The following UNC5D variants were observed in gnomAD, a reference collection of about 807,000 sequenced individuals.
UNC5D encodes the protein unc-5 netrin receptor D.
UNC5D carries 39 observed loss-of-function variants against 105.4 expected under a neutral mutation model. The observed-to-expected ratio is 0.37, with a 90% CI of 0.29 to 0.48. The LOEUF (loss-of-function observed/expected upper bound fraction) is 0.48, where lower values mean the gene tolerates loss of function less well. Ranked by LOEUF, UNC5D falls within the 20% of genes least tolerant of loss-of-function variation. UNC5D has a pLI of 0.98. For missense variants in UNC5D, 991 were observed against 1,202.4 expected (o/e 0.82, Z 2.60); for synonymous variants, 452 against 450.4 (o/e 1.00, Z -0.04).
chr8:35,299,846 G>C (rs771288465), intron 1 of UNC5D, among the ~76,000 whole-genome samples: 1 of 152,178 alleles, frequency 6.6e-6, no homozygotes, highest in Admixed American at 6.5e-5. Flanking sequence ...CTGTAAAATA[G>C]AGTGAGGAAA....
At chr8:35,470,110 C>T (rs996653976) in intron 1 of UNC5D, among the ~76,000 whole-genome samples, 3 of 152,070 alleles carry the variant, frequency 2.0e-5, no homozygotes, top group African/African-American at 7.2e-5. Flanking sequence ...AACATTCAGC[C>T]AGGAGCTAAG....
chr8:35,652,832 C>T (rs895908507), intron 4 of UNC5D, among the ~76,000 whole-genome samples: 4 of 150,756 alleles, frequency 2.7e-5, no homozygotes, highest in Non-Finnish European at 5.9e-5. Context: ...CTTGATCTCA[C>T]ATGACTCTGA....
chr8:35,759,297 A>G (rs749873160), intron 13 of UNC5D, 23 bp from the exon 14 acceptor site: 2 of 1,609,686 alleles, frequency 1.2e-6, no homozygotes, highest in Non-Finnish European at 1.7e-6. Context: ...TATTGATCTT[A>G]TTTTCTTTTT....
chr8:35,267,428 T>C (rs1804959851), intron 1 of UNC5D, among the ~76,000 whole-genome samples: 1 of 152,108 alleles, frequency 6.6e-6, no homozygotes, highest in African/African-American at 2.4e-5. Context: ...GAAGTGACCA[T>C]GAATATTTGT....
intron 1 of UNC5D, among the ~76,000 whole-genome samples, chr8:35,418,869 T>A (rs373826803): frequency 1.3e-5 from 2 of 152,206 alleles, no homozygotes; most frequent in Non-Finnish European, 2.9e-5. Context: ...GTAAACTGTT[T>A]TCAAGGTTGG....
chr8:35,526,433 G>A (rs1813884666), intron 1 of UNC5D, among the ~76,000 whole-genome samples: 1 of 152,104 alleles, frequency 6.6e-6, no homozygotes, highest in Non-Finnish European at 1.5e-5. Flanking sequence ...TGAAAGCCAG[G>A]CAGATTCCTA....
chr8:35,254,778 T>G (rs901129801), intron 1 of UNC5D: 4 of 152,232 alleles, frequency 2.6e-5, no homozygotes, highest in African/African-American at 9.6e-5. Flanking sequence ...TTCTTTTTTA[T>G]GGTATCTCTC....
chr8:35,603,532 G>A (rs1431808216), intron 4 of UNC5D, among the ~76,000 whole-genome samples: 4 of 152,114 alleles, frequency 2.6e-5, no homozygotes, highest in Non-Finnish European at 4.4e-5. Context: ...GATTTGGGGT[G>A]GAGAGTTCTG....
intron 1 of UNC5D, among the ~76,000 whole-genome samples, chr8:35,356,875 G>C (rs1801586912): frequency 6.6e-6 from 1 of 152,110 alleles, no homozygotes; most frequent in Non-Finnish European, 1.5e-5. Context: ...AGATCCACTG[G>C]ACAAAGAGAT....
At chr8:35,498,553 A>G (rs1312533543) in intron 1 of UNC5D, among the ~76,000 whole-genome samples, 1 of 152,146 alleles carries the variant, frequency 6.6e-6, no homozygotes, top group Non-Finnish European at 1.5e-5. Context: ...TACTTGGAGG[A>G]ACAGGAAACT....
At chr8:35,488,292 A>G (rs1187604950) in intron 1 of UNC5D, among the ~76,000 whole-genome samples, 1 of 152,222 alleles carries the variant, frequency 6.6e-6, no homozygotes, top group African/African-American at 2.4e-5. Flanking sequence ...GAGATGGGAC[A>G]AAATGAAGGA....
intron 2 of UNC5D, among the ~76,000 whole-genome samples, chr8:35,567,046 T>A (rs1817392824): frequency 6.6e-6 from 1 of 152,110 alleles, no homozygotes; most frequent in African/African-American, 2.4e-5. Context: ...AGACAATTTG[T>A]TTAATTTTAG....
intron 1 of UNC5D, among the ~76,000 whole-genome samples, chr8:35,262,061 A>G (rs1370905107): frequency 6.6e-6 from 1 of 152,202 alleles, no homozygotes; most frequent in African/African-American, 2.4e-5. Context: ...TAAGAGGATG[A>G]TTCTGGGCAC....
rs1350028476 is a variant in UNC5D, at chr8:35,759,201, A to G, written c.2164-119A>G. 5 of 1,117,430 alleles carry G rather than the reference A, an allele frequency of 4.5e-6. No individual in the cohort carries two copies. The African/African-American group carries it at 4.8e-5, about 11-fold the overall frequency. 69.2% of individuals were successfully genotyped at this position (1,117,430 alleles called of 1,614,324 possible). A position where few individuals can be genotyped will look rare whatever the true frequency, so the allele number is the denominator to read the frequency against. ...AGTTGTAAAGAAGTATGTTTCTCCT[A>G]TGCTCTCTGTCCATTTGTGGAAGAC... On this transcript the variant is annotated intron_variant, in intron 13 of 16. Transcript: ENST00000404895.
chr8:35,740,256 GAGA>G (rs2131604567), intron 11 of UNC5D, among the ~76,000 whole-genome samples: 1 of 152,296 alleles, frequency 6.6e-6, no homozygotes, highest in East Asian at 1.9e-4. Context: ...AAGATCAAAG[GAGA>G]AGGAGAGATT....
intron 11 of UNC5D, among the ~76,000 whole-genome samples, chr8:35,744,506 TGGA>T (rs1393023167): frequency 1.3e-5 from 2 of 152,208 alleles, no homozygotes; most frequent in African/African-American, 2.4e-5. Flanking sequence ...TTCTCTTGTG[TGGA>T]GGAGTTTTCC....
At chr8:35,448,382 T>C (rs963436838) in intron 1 of UNC5D, among the ~76,000 whole-genome samples, 10 of 152,056 alleles carry the variant, frequency 6.6e-5, no homozygotes, top group Non-Finnish European at 1.2e-4. Flanking sequence ...GGCTGAAAAA[T>C]AATTCCTTAT....
intron 4 of UNC5D, among the ~76,000 whole-genome samples, chr8:35,652,030 C>T (rs1823440884): frequency 6.6e-6 from 1 of 152,062 alleles, no homozygotes; most frequent in Non-Finnish European, 1.5e-5. Context: ...AAAAATAAGC[C>T]AAATCTCAGA....
At chr8:35,690,178 G>A (rs1279596229) in intron 7 of UNC5D, among the ~76,000 whole-genome samples, 2 of 152,242 alleles carry the variant, frequency 1.3e-5, no homozygotes, top group Non-Finnish European at 2.9e-5. Context: ...GATGGCTATA[G>A]TGATGAAGAG....
Sources: gnomAD v4.1 joint callset for allele counts (sites outside exome capture counted in the v4.1 genomes callset) on GRCh38, gnomAD v4.1.1 for gene constraint, MANE v1.5 for transcripts, NCBI Gene and HGNC (gene_info 2026-07-23, HGNC 2026-07-21) for gene names.